PLPP1: variants seen among roughly 807,000 people sequenced by gnomAD.
PLPP1 encodes the protein lipid phosphate phosphohydrolase 1a.
Under a neutral mutation model 31.2 loss-of-function variants are expected in PLPP1, and 24 were observed. The ratio of observed to expected loss-of-function variants is 0.77; its 90% CI spans 0.56 to 1.08. The LOEUF (loss-of-function observed/expected upper bound fraction) is 1.08, where lower values mean the gene tolerates loss of function less well. Ranked by LOEUF, PLPP1 falls within the 50% of genes least tolerant of loss-of-function variation. PLPP1 has a pLI of 0.00. For synonymous variants in PLPP1, 146 were observed against 126.3 expected (o/e 1.16, Z -1.05); for missense variants, 319 against 342.7 (o/e 0.93, Z 0.55).
chr5:55,530,423 A>T (rs1463486537), intron 1 of PLPP1: 13 of 1,260,394 alleles, frequency 1.0e-5, no homozygotes, highest in South Asian at 8.4e-5. Context: ...GGGGACACTT[A>T]TAAGTAGGAT....
At chr5:55,493,975 T>A (rs940339965) in intron 1 of PLPP1, among the ~76,000 whole-genome samples, 1 of 151,876 alleles carries the variant, frequency 6.6e-6, no homozygotes, top group African/African-American at 2.4e-5. Flanking sequence ...AGCCCAAGAA[T>A]TCGAGGCTAC....
chr5:55,488,523 G>A (rs1359381450), intron 1 of PLPP1, among the ~76,000 whole-genome samples: 4 of 152,102 alleles, frequency 2.6e-5, no homozygotes, highest in African/African-American at 9.7e-5. Context: ...GTGTGTGCCT[G>A]TAGTCCCAGC....
chr5:55,496,898 G>A (rs770624380), intron 1 of PLPP1, among the ~76,000 whole-genome samples: 9 of 151,886 alleles, frequency 5.9e-5, no homozygotes, highest in Non-Finnish European at 1.3e-4. Context: ...ATATTCCAAT[G>A]GAATAAATCT....
At chr5:55,425,437 A>G in intron 5 of PLPP1, 103 bp from the exon 6 acceptor site, 1 of 1,097,374 alleles carries the variant, frequency 9.1e-7, no homozygotes, top group East Asian at 2.5e-5. Flanking sequence ...AAAAGGATAT[A>G]CTTTGAGGTG....
At chr5:55,478,213 G>C (rs1752598430) in intron 1 of PLPP1, among the ~76,000 whole-genome samples, 1 of 152,172 alleles carries the variant, frequency 6.6e-6, no homozygotes, top group South Asian at 2.1e-4. Context: ...TAGAAAAAAA[G>C]TTTGTGGGTA....
intron 1 of PLPP1, among the ~76,000 whole-genome samples, chr5:55,477,396 C>CTTTTTTTTTTTTTTTTTT (rs3070044): frequency 7.5e-6 from 1 of 133,326 alleles, no homozygotes; most frequent in Non-Finnish European, 1.5e-5. Flanking sequence ...TTTTTCTTTT[C>CTTTTTTTTTTTTTTTTTT]TTTTTTTTTT....
At chr5:55,461,589 G>C (rs1752154557) in intron 3 of PLPP1, among the ~76,000 whole-genome samples, 1 of 151,036 alleles carries the variant, frequency 6.6e-6, no homozygotes, top group Non-Finnish European at 1.5e-5. Context: ...CTAACAAAAA[G>C]CATCTACAAA....
chr5:55,438,855 C>T (rs1192171567), intron 4 of PLPP1, among the ~76,000 whole-genome samples: 3 of 151,146 alleles, frequency 2.0e-5, no homozygotes, highest in Non-Finnish European at 2.9e-5. Flanking sequence ...GAGCCGAGAT[C>T]GCGCCACTGC....
At chr5:55,473,912 C>T (rs1415476261) in intron 2 of PLPP1, among the ~76,000 whole-genome samples, 6 of 152,070 alleles carry the variant, frequency 3.9e-5, no homozygotes, top group African/African-American at 1.4e-4. Flanking sequence ...TCAAGTGATC[C>T]TCCTGACTTG....
At chr5:55,487,424 T>C (rs1289312084) in intron 1 of PLPP1, among the ~76,000 whole-genome samples, 1 of 94,788 alleles carries the variant, frequency 1.1e-5, no homozygotes, top group Non-Finnish European at 2.2e-5. Context: ...ATATGGATCA[T>C]TAAAACCCAA....
intron 1 of PLPP1, among the ~76,000 whole-genome samples, chr5:55,497,251 A>T (rs929680051): frequency 6.6e-6 from 1 of 150,524 alleles, no homozygotes; most frequent in African/African-American, 2.4e-5. Context: ...CCTCAAAGAA[A>T]TTTTTTTTTT....
At chr5:55,433,144 CAAAAA>C (rs57495015) in intron 4 of PLPP1, among the ~76,000 whole-genome samples, 87,458 of 125,126 alleles carry the variant, frequency 0.7, 29,643 homozygotes, top group Middle Eastern at 0.73. Context: ...CCCATCTCTA[CAAAAA>C]AAAAAAAAAA....
At chr5:55,439,664 A>G (rs1166073405) in intron 4 of PLPP1, among the ~76,000 whole-genome samples, 1 of 152,166 alleles carries the variant, frequency 6.6e-6, no homozygotes, top group South Asian at 2.1e-4. Context: ...GCCCTCTATT[A>G]TATCAATGTC....
intron 3 of PLPP1, among the ~76,000 whole-genome samples, chr5:55,452,928 G>A (rs906070476): frequency 3.9e-5 from 6 of 152,094 alleles, no homozygotes; most frequent in Non-Finnish European, 7.4e-5. Flanking sequence ...AAAAATTACT[G>A]GCAAACTCCC....
intron 1 of PLPP1, among the ~76,000 whole-genome samples, chr5:55,525,592 C>T (rs919734042): frequency 2.0e-5 from 3 of 152,094 alleles, no homozygotes; most frequent in Non-Finnish European, 4.4e-5. Flanking sequence ...CACCTCAGTC[C>T]CCCAAAGTGC....
chr5:55,433,358 A>G (rs1751409643), intron 4 of PLPP1, among the ~76,000 whole-genome samples: 1 of 147,318 alleles, frequency 6.8e-6, no homozygotes, highest in South Asian at 2.2e-4. Flanking sequence ...AAGGCATCCA[A>G]GTTGTATAAC....
intron 1 of PLPP1, among the ~76,000 whole-genome samples, chr5:55,514,830 TGAA>T (rs746746955): frequency 2.0e-5 from 3 of 152,288 alleles, no homozygotes; most frequent in East Asian, 1.9e-4. Flanking sequence ...AAAGATAAGA[TGAA>T]GAAGGAAGGA....
rs1343978219 is a variant in PLPP1 at position 55,445,252 on chromosome 5, TC to T, written c.492-3345del. On this transcript the variant is annotated intron_variant, in intron 3 of 5. Coordinates refer to ENST00000307259, the MANE Select transcript of PLPP1 (RefSeq NM_003711.4). ...ACTGAGCATTCTTCTATCTCTGTGCTCCAACATCCACATCCATGTTCAGCCT... is the reference window on the plus strand; with the variant it reads ...ACTGAGCATTCTTCTATCTCTGTGCTCAACATCCACATCCATGTTCAGCCT... Among the ~76,000 whole-genome samples, 4 of 152,108 alleles carry T rather than the reference TC, an allele frequency of 2.6e-5. No individual in the cohort carries two copies. In the East Asian group the frequency reaches 7.7e-4, roughly 29 times the overall value.
At chr5:55,468,789 G>A (rs1212152709) in intron 2 of PLPP1, among the ~76,000 whole-genome samples, 2 of 152,006 alleles carry the variant, frequency 1.3e-5, no homozygotes, top group Non-Finnish European at 2.9e-5. Context: ...GGCAACAAGA[G>A]CAAGACTCCG....
Sources: gnomAD v4.1 joint callset for allele counts (sites outside exome capture counted in the v4.1 genomes callset) on GRCh38, gnomAD v4.1.1 for gene constraint, MANE v1.5 for transcripts, NCBI Gene and HGNC (gene_info 2026-07-23, HGNC 2026-07-21) for gene names.